Variants in FDFT1 observed in about 807,000 individuals in gnomAD.
FDFT1 encodes the protein farnesyl-diphosphate farnesyltransferase 1.
FDFT1 carries 68 observed loss-of-function variants against 46.8 expected under a neutral mutation model. The observed-to-expected ratio is 1.45, with a 90% confidence interval of 1.19 to 1.78. FDFT1 has a LOEUF of 1.78. FDFT1 is among the 40% of genes most tolerant of loss of function. FDFT1 has a pLI of 0.00. For synonymous variants in FDFT1, 351 were observed against 185.1 expected (o/e 1.90, Z -7.28); for missense variants, 928 against 524.4 (o/e 1.77, Z -7.52).
At chr8:11,801,653 C>T (rs945211569), upstream of FDFT1, 2 of 248,060 alleles carry the variant, frequency 8.1e-6, no homozygotes, top group Non-Finnish European at 1.6e-5. Context: ...TTACTGGTTG[C>T]TGTGTTAAAA....
chr8:11,816,865 C>G (rs1265166859), intron 3 of FDFT1, among the ~76,000 whole-genome samples: 1 of 152,302 alleles, frequency 6.6e-6, no homozygotes, highest in South Asian at 2.1e-4. Context: ...TTATTTCTTT[C>G]TCTTGCCTGA....
At position 11,821,822 on chromosome 8, in the gene FDFT1, A is replaced by G. The variant is rs752630539; in HGVS notation, c.454A>G (p.Ile152Val). The G allele has an allele frequency of 2.2e-5, 35 of 1,613,626 alleles. No homozygotes were observed. The highest frequency in any genetic ancestry group is 2.8e-5 in the Non-Finnish European group (33 of 1,179,702). Reference sequence around the variant, plus strand: ...TGCCGACATTTGCCGGAGAATGGGCATTGGGATGGCAGAGTTTTTGGATAA... The same window carrying G: ...TGCCGACATTTGCCGGAGAATGGGCGTTGGGATGGCAGAGTTTTTGGATAA... ...VIADICRRMG[I>V]GMAEFLDKHV... The change falls in exon 4 of 8, where the codon ATT (isoleucine) becomes GTT (valine). Residue 152 changes from isoleucine (I) to valine (V), a missense_variant. Ile to Val is a conservative substitution (Grantham distance 29). Transcript: ENST00000220584.
intron 1 of FDFT1, among the ~76,000 whole-genome samples, chr8:11,807,576 A>T (rs1807027345): frequency 8.6e-6 from 1 of 116,358 alleles, no homozygotes; most frequent in Non-Finnish European, 2.0e-5. Flanking sequence ...CTGTGGGCCT[A>T]AAACTGCTCT....
At chr8:11,830,220 TC>T in intron 5 of FDFT1, 23 bp from the exon 6 acceptor site, 1 of 1,594,690 alleles carries the variant, frequency 6.3e-7, no homozygotes, top group South Asian at 1.1e-5. Context: ...GCTGACCTGT[TC>T]CTTAATCTTC....
chr8:11,819,996 G>T (rs1808998645), intron 3 of FDFT1, among the ~76,000 whole-genome samples: 2 of 152,186 alleles, frequency 1.3e-5, no homozygotes, highest in South Asian at 4.1e-4. Flanking sequence ...TCTACCTTTG[G>T]TCTTTGATTT....
chr8:11,836,190 A>T lies in FDFT1; in HGVS notation c.1033-2198A>T, dbSNP rs146860695. On this transcript the variant is annotated intron_variant, in intron 7 of 7. Transcript: ENST00000220584. Reference sequence around the variant, plus strand: ...AAATCTACAATATACCAAAACCATTACTTACCTGAGAAACTATTCTCAGGG... The same window carrying T: ...AAATCTACAATATACCAAAACCATTTCTTACCTGAGAAACTATTCTCAGGG... 3.9e-5 allele frequency among the ~76,000 whole-genome samples: 6 copies of T among 151,924 alleles called. No homozygotes were observed. In the South Asian group the frequency reaches 1.0e-3, roughly 26 times the overall value.
intron 1 of FDFT1, chr8:11,808,443 T>G: frequency 5.5e-6 from 7 of 1,271,014 alleles, no homozygotes; most frequent in Non-Finnish European, 6.9e-6. Flanking sequence ...GGCGAGCCCG[T>G]CCCGCCCCTC....
upstream of FDFT1, among the ~76,000 whole-genome samples, chr8:11,801,012 T>C (rs1043273662): frequency 6.6e-6 from 1 of 152,052 alleles, no homozygotes; most frequent in Non-Finnish European, 1.5e-5. Context: ...ATGGTAAATA[T>C]AGGCAAGTAG....
chr8:11,805,557 C>A (rs963536928), intron 1 of FDFT1, among the ~76,000 whole-genome samples: 3 of 152,210 alleles, frequency 2.0e-5, no homozygotes, highest in Non-Finnish European at 4.4e-5. Flanking sequence ...GGTAACTTAA[C>A]CTCTGAACCA....
In FDFT1 at chr8:11,830,258, T is replaced by A. The variant is rs1810587163; in HGVS notation, c.717T>A (p.Tyr239Ter). Residue 239 changes from tyrosine (Y) to a stop codon, truncating the protein, a stop_gained, in exon 6 of 8, where the codon TAT becomes TAA. Coordinates refer to ENST00000220584, the MANE Select transcript of FDFT1 (RefSeq NM_004462.5). LOFTEE classifies it high-confidence loss of function. ...EFWPQEVWSR[Y>*]VKKLGDFAKP... ...TATCTGTCTAGGTTTGGAGCAGGTA[T>A]GTTAAGAAGTTAGGGGATTTTGCTA... 1 of 1,613,838 alleles carries A rather than the reference T, an allele frequency of 6.2e-7. No homozygotes were observed. Among genetic ancestry groups the A allele is most frequent in the Non-Finnish European group, 8.5e-7 (1 of 1,179,720 alleles).
At chr8:11,810,570 C>T (rs555471130) in intron 3 of FDFT1, among the ~76,000 whole-genome samples, 1 of 152,090 alleles carries the variant, frequency 6.6e-6, no homozygotes, top group Non-Finnish European at 1.5e-5. Flanking sequence ...TAAGTATTAG[C>T]TATTTGGTCT....
At chr8:11,826,906 T>G (rs1274194115) in intron 5 of FDFT1, among the ~76,000 whole-genome samples, 1 of 152,116 alleles carries the variant, frequency 6.6e-6, no homozygotes, top group Non-Finnish European at 1.5e-5. Context: ...CTGGATTACG[T>G]CTACACAGTA....
intron 5 of FDFT1, among the ~76,000 whole-genome samples, chr8:11,827,171 T>G (rs1810111580): frequency 6.6e-6 from 1 of 152,120 alleles, no homozygotes; most frequent in African/African-American, 2.4e-5. Flanking sequence ...CCAAGTACTT[T>G]AAAGTTTTAA....
chr8:11,830,352 C>T lies in FDFT1; in HGVS notation c.811C>T (p.Pro271Ser), dbSNP rs780820890. 1 of 1,613,784 alleles carries T rather than the reference C, an allele frequency of 6.2e-7. No individual in the cohort carries two copies. The highest frequency in any genetic ancestry group is 8.5e-7 in the Non-Finnish European group (1 of 1,179,740). ...ELITNALHHI[P>S]DVITYLSRLR... The stretch of plus-strand genomic sequence containing the variant: ...TATAACCAATGCACTGCACCACATC[C>T]CAGATGTCATCACCTACCTTTCGAG... Residue 271 changes from proline (P) to serine (S), a missense_variant, in exon 6 of 8, where the codon CCA becomes TCA. Pro to Ser is a moderately conservative substitution (Grantham distance 74, BLOSUM62 -1). Coordinates refer to ENST00000220584, the MANE Select transcript of FDFT1 (RefSeq NM_004462.5).
At chr8:11,837,319 C>A (rs891128251) in intron 7 of FDFT1, among the ~76,000 whole-genome samples, 1 of 152,232 alleles carries the variant, frequency 6.6e-6, no homozygotes, top group Admixed American at 6.5e-5. Flanking sequence ...CAACCTCCAC[C>A]TCCCAGGCTC....
intron 1 of FDFT1, among the ~76,000 whole-genome samples, chr8:11,806,991 T>C (rs1305361227): frequency 6.7e-6 from 1 of 150,194 alleles, no homozygotes; most frequent in African/African-American, 2.4e-5. Flanking sequence ...TTGACCCTTT[T>C]GGCAAAATAC....
chr8:11,806,642 C>G (rs1806875872), intron 1 of FDFT1, among the ~76,000 whole-genome samples: 1 of 152,152 alleles, frequency 6.6e-6, no homozygotes, highest in Admixed American at 6.5e-5. Flanking sequence ...GTTAGTTGGA[C>G]TGAACATGAC....
intron 7 of FDFT1, among the ~76,000 whole-genome samples, chr8:11,836,915 G>C (rs756020200): frequency 6.6e-6 from 1 of 152,266 alleles, no homozygotes; most frequent in Non-Finnish European, 1.5e-5. Flanking sequence ...CTTGCTGTGT[G>C]CCAGCACAGG....
At chr8:11,832,372 T>C (rs1304751838) in intron 7 of FDFT1, among the ~76,000 whole-genome samples, 1 of 151,226 alleles carries the variant, frequency 6.6e-6, no homozygotes, top group Non-Finnish European at 1.5e-5. Flanking sequence ...CCGGGCGACA[T>C]AGCAAGACCC....
Sources: allele counts gnomAD v4.1 joint callset (sites outside exome capture counted in the v4.1 genomes callset), GRCh38; gene constraint gnomAD v4.1.1; transcripts MANE v1.5; gene names NCBI Gene and HGNC (gene_info 2026-07-23, HGNC 2026-07-21).